The following ZNF69 variants were observed in gnomAD, a reference collection of about 807,000 sequenced individuals.
ZNF69 encodes the protein ZNF3.
Under a neutral mutation model 50.9 loss-of-function variants are expected in ZNF69, and 47 were observed. The observed-to-expected ratio is 0.92, with a 90% CI of 0.73 to 1.18. The LOEUF is 1.18. ZNF69 is among the 50% of genes most tolerant of loss of function. The pLI is 0.00. For synonymous variants in ZNF69, 216 were observed against 223.1 expected (o/e 0.97, Z 0.29); for missense variants, 717 against 675.1 (o/e 1.06, Z -0.69).
downstream of ZNF69, among the ~76,000 whole-genome samples, chr19:11,910,607 T>C (rs1252862153): frequency 2.6e-5 from 4 of 152,208 alleles, no homozygotes; most frequent in African/African-American, 9.6e-5. Flanking sequence ...CTGGGAAAAC[T>C]GGCTAGCCGT....
At chr19:11,965,268 G>A in the ZNF69 span, 2 of 1,611,542 alleles carry the variant, frequency 1.2e-6, no homozygotes, top group African/African-American at 1.3e-5. Flanking sequence ...GGAACCGGCC[G>A]GAACCGGCTG....
chr19:11,951,437 GC>G, the ZNF69 span, among the ~76,000 whole-genome samples: 18 of 151,860 alleles, frequency 1.2e-4, no homozygotes, highest in African/African-American at 4.3e-4. Flanking sequence ...CACCATATTA[GC>G]CAGACTGGTC....
the ZNF69 span, among the ~76,000 whole-genome samples, chr19:11,976,033 G>A: frequency 2.0e-5 from 3 of 147,302 alleles, no homozygotes; most frequent in African/African-American, 5.1e-5. Context: ...TTCTACTTAG[G>A]TGTCTCCCCT....
At chr19:11,927,466 A>C in the ZNF69 span, among the ~76,000 whole-genome samples, 2 of 151,600 alleles carry the variant, frequency 1.3e-5, no homozygotes, top group Non-Finnish European at 2.9e-5. Context: ...AAATAAATAG[A>C]AAAGGAAAAA....
At chr19:11,890,073 G>A (rs1020743257) in intron 1 of ZNF69, among the ~76,000 whole-genome samples, 8 of 152,134 alleles carry the variant, frequency 5.3e-5, no homozygotes, top group African/African-American at 1.9e-4. Context: ...ATGAATGGTC[G>A]GCTTTACACA....
chr19:11,953,791 C>T, the ZNF69 span, among the ~76,000 whole-genome samples: 1 of 152,150 alleles, frequency 6.6e-6, no homozygotes. Flanking sequence ...TGGATGAAAA[C>T]AAATACATAC....
At chr19:11,967,366 A>G in the ZNF69 span, among the ~76,000 whole-genome samples, 2 of 152,050 alleles carry the variant, frequency 1.3e-5, no homozygotes, top group Non-Finnish European at 2.9e-5. Flanking sequence ...AACAAGAAAG[A>G]GTTGAAGACC....
intron 1 of ZNF69, among the ~76,000 whole-genome samples, chr19:11,900,357 C>CTT (rs933407423): frequency 1.4e-5 from 2 of 142,224 alleles, no homozygotes; most frequent in Admixed American, 7.0e-5. Flanking sequence ...AAAGATTGGG[C>CTT]TTTTTTTTTT....
intron 1 of ZNF69, among the ~76,000 whole-genome samples, 155 bp from the exon 2 acceptor site, chr19:11,903,418 A>G (rs1484323391): frequency 6.6e-6 from 1 of 152,176 alleles, no homozygotes; most frequent in Admixed American, 6.5e-5. Flanking sequence ...CAAAAAAAAG[A>G]ATTGCTTTAT....
the ZNF69 span, chr19:11,948,859 G>C: frequency 6.2e-7 from 1 of 1,605,730 alleles, no homozygotes; most frequent in Non-Finnish European, 8.5e-7. Context: ...GAAGCCCTAT[G>C]AATGTAGCAA....
chr19:11,892,723 G>A (rs910710092), intron 1 of ZNF69, among the ~76,000 whole-genome samples: 2 of 152,198 alleles, frequency 1.3e-5, no homozygotes, highest in African/African-American at 4.8e-5. Flanking sequence ...CTGTAATCAG[G>A]GAAAGGAGAG....
At chr19:11,889,124 G>A (rs1347045277) in intron 1 of ZNF69, among the ~76,000 whole-genome samples, 1 of 152,180 alleles carries the variant, frequency 6.6e-6, no homozygotes, top group Non-Finnish European at 1.5e-5. Context: ...GCTGAAGGAA[G>A]GGGGTCTGTT....
At chr19:11,963,200 C>G in the ZNF69 span, among the ~76,000 whole-genome samples, 1 of 151,976 alleles carries the variant, frequency 6.6e-6, no homozygotes. Flanking sequence ...AGTGATCCTC[C>G]TGCCTCAGCC....
chr19:11,964,909 T>G, the ZNF69 span: 11 of 415,502 alleles, frequency 2.6e-5, no homozygotes, highest in South Asian at 2.8e-4. Flanking sequence ...AGTCTGGCTC[T>G]GCCGGGCCTG....
the ZNF69 span, chr19:11,978,913 A>G: frequency 6.2e-7 from 1 of 1,614,242 alleles, no homozygotes; most frequent in South Asian, 1.1e-5. Flanking sequence ...TATCTTAGAC[A>G]TAAAAGGAGT....
the ZNF69 span, among the ~76,000 whole-genome samples, chr19:11,919,650 A>C: frequency 6.6e-6 from 1 of 152,048 alleles, no homozygotes; most frequent in African/African-American, 2.4e-5. Flanking sequence ...TTGGACACGA[A>C]CCCTTTAGGA....
At chr19:11,957,831 C>G in the ZNF69 span, among the ~76,000 whole-genome samples, 1 of 151,754 alleles carries the variant, frequency 6.6e-6, no homozygotes, top group Non-Finnish European at 1.5e-5. Context: ...GGCTACAGAA[C>G]AAGACTGTCT....
In ZNF69 at chr19:11,905,588, C is replaced by T. The variant is rs1482869027; in HGVS notation, c.1191C>T (p.Phe397=). 1.2e-6 allele frequency: 2 copies of T among 1,613,972 alleles called. No homozygotes were observed. Among genetic ancestry groups the T allele is most frequent in the South Asian group, 1.1e-5 (1 of 91,076 alleles). ...AATGCAAGCAATGTGGTAAAGCCTT[C>T]ATTCATTCCAGTTCCCTTCGTTATC... ...PYKCKQCGKA[F]IHSSSLRYHE... Residue 397 remains phenylalanine, a synonymous_variant, in exon 4 of 4, where the codon TTC becomes TTT. Transcript: ENST00000429654.
At position 11,905,126 on chromosome 19, in the gene ZNF69, T is replaced by C; in HGVS notation, c.729T>C (p.Thr243=). Residue 243 remains threonine, a synonymous_variant, in exon 4 of 4, where the codon ACT becomes ACC. Coordinates refer to ENST00000429654, the MANE Select transcript of ZNF69 (RefSeq NM_001364730.1). The part of the protein sequence containing the change: ...SLYLIHERIH[T]GEKPYECKQC... ...ATCTTATCCATGAAAGAATTCACAC[T>C]GGAGAGAAACCATATGAATGTAAAC... The C allele has an allele frequency of 7.4e-6, 12 of 1,614,204 alleles. No homozygotes were observed. Among genetic ancestry groups the C allele is most frequent in the Non-Finnish European group, 7.6e-6 (9 of 1,180,030 alleles).
Sources: gnomAD v4.1 joint callset for allele counts (sites outside exome capture counted in the v4.1 genomes callset) on GRCh38, gnomAD v4.1.1 for gene constraint, MANE v1.5 for transcripts, NCBI Gene and HGNC (gene_info 2026-07-23, HGNC 2026-07-21) for gene names.